Variants in ZSWIM6 observed in about 807,000 individuals in gnomAD.
The protein encoded by ZSWIM6 is zinc finger SWIM domain-containing protein 6.
A neutral mutation model predicts 113.2 loss-of-function variants in ZSWIM6; 9 were observed. The ratio of observed to expected loss-of-function variants is 0.08; its 90% CI spans 0.05 to 0.14. ZSWIM6 has a LOEUF of 0.14. Ranked by LOEUF, ZSWIM6 falls within the 10% of genes least tolerant of loss-of-function variation. The pLI is 1.00. For missense variants in ZSWIM6, 1,162 were observed against 1,552.2 expected (o/e 0.75, Z 4.22); for synonymous variants, 611 against 606.5 (o/e 1.01, Z -0.11).
rs573690851 is a variant in ZSWIM6 at position 61,522,997 on chromosome 5, A to C, written c.1513+1555A>C. Among the ~76,000 whole-genome samples, 108 of 152,268 alleles carry C rather than the reference A, an allele frequency of 7.1e-4. 2 individuals are homozygous for C. In the Middle Eastern group the frequency reaches 0.01, roughly 14 times the overall value. Reference sequence around the variant, plus strand: ...AATGGTCCAGCCTCCAGACTTAAAGAGTTCATTTCGCTTATGGTTTGGCCT... The same window carrying C: ...AATGGTCCAGCCTCCAGACTTAAAGCGTTCATTTCGCTTATGGTTTGGCCT... On this transcript the variant is annotated intron_variant, in intron 5 of 13. Transcript: ENST00000252744.
intron 1 of ZSWIM6, among the ~76,000 whole-genome samples, chr5:61,333,522 C>T (rs922457651): frequency 7.2e-5 from 11 of 152,070 alleles, no homozygotes; most frequent in African/African-American, 2.4e-4. Flanking sequence ...CCCAGGGCTC[C>T]GACGGGCGAG....
intron 2 of ZSWIM6, among the ~76,000 whole-genome samples, chr5:61,475,455 A>G (rs1427666357): frequency 1.3e-5 from 2 of 152,364 alleles, no homozygotes; most frequent in African/African-American, 4.8e-5. Flanking sequence ...GTTCTTTCAT[A>G]GTTTCTAAAA....
chr5:61,349,804 TTAAG>T (rs1744743401), intron 1 of ZSWIM6, among the ~76,000 whole-genome samples: 1 of 152,210 alleles, frequency 6.6e-6, no homozygotes, highest in East Asian at 1.9e-4. Flanking sequence ...CTTTGTGGGA[TTAAG>T]TGATTGCTTT....
At chr5:61,366,092 A>G (rs1445902732) in intron 1 of ZSWIM6, among the ~76,000 whole-genome samples, 1 of 152,018 alleles carries the variant, frequency 6.6e-6, no homozygotes, top group African/African-American at 2.4e-5. Context: ...AGTGGGTTTC[A>G]CCATGTTGCC....
At position 61,539,765 on chromosome 5, in the gene ZSWIM6, T is replaced by C; in HGVS notation, c.2703+6T>C. 2.6e-6 allele frequency: 4 copies of C among 1,548,840 alleles called. No individual in the cohort carries two copies. The highest frequency in any genetic ancestry group is 3.5e-6 in the Non-Finnish European group (4 of 1,145,392). On this transcript the variant is annotated splice_donor_region_variant and intron_variant, in intron 12 of 13. Transcript: ENST00000252744. ...CTCTGGAGCTGGGCCTGCAGGTACA[T>C]GACTGGTAGTCTTTCCTGGGACATC...
At chr5:61,391,218 G>A (rs533753766) in intron 1 of ZSWIM6, 612 of 892,948 alleles carry the variant, frequency 6.9e-4, no homozygotes, top group Admixed American at 1.5e-3. Flanking sequence ...ACCTGATGAC[G>A]TCGATCATCT....
intron 1 of ZSWIM6, among the ~76,000 whole-genome samples, chr5:61,377,939 A>G (rs1463850214): frequency 3.3e-5 from 5 of 152,218 alleles, no homozygotes; most frequent in African/African-American, 1.2e-4. Context: ...TATAAGAGAA[A>G]TGAAAATTAA....
chr5:61,457,806 A>C (rs1312787142), intron 1 of ZSWIM6, among the ~76,000 whole-genome samples: 1 of 152,142 alleles, frequency 6.6e-6, no homozygotes, highest in Non-Finnish European at 1.5e-5. Context: ...TACAGGTGTG[A>C]GCCGCTGCAC....
At chr5:61,435,317 C>T (rs765333670) in intron 1 of ZSWIM6, among the ~76,000 whole-genome samples, 23 of 152,172 alleles carry the variant, frequency 1.5e-4, no homozygotes, top group Non-Finnish European at 2.5e-4. Context: ...TTGACCACAG[C>T]TGCTAAAGAA....
chr5:61,496,333 A>G (rs1016909675), intron 4 of ZSWIM6, among the ~76,000 whole-genome samples: 17 of 152,112 alleles, frequency 1.1e-4, no homozygotes, highest in African/African-American at 3.9e-4. Flanking sequence ...TGCCATTTTA[A>G]TGGGGTCTAA....
intron 1 of ZSWIM6, among the ~76,000 whole-genome samples, chr5:61,400,640 T>C (rs576837457): frequency 6.6e-6 from 1 of 152,358 alleles, no homozygotes; most frequent in East Asian, 1.9e-4. Flanking sequence ...TTGGCAGTGC[T>C]TTATATTTTT....
chr5:61,471,743 A>T (rs1747577079), intron 1 of ZSWIM6, among the ~76,000 whole-genome samples: 1 of 152,200 alleles, frequency 6.6e-6, no homozygotes, highest in South Asian at 2.1e-4. Context: ...ACAGTAGAAC[A>T]GTTTCATCCT....
intron 4 of ZSWIM6, among the ~76,000 whole-genome samples, chr5:61,519,719 A>G (rs1465857744): frequency 1.3e-5 from 2 of 152,102 alleles, no homozygotes; most frequent in African/African-American, 4.8e-5. Context: ...TGTTGATAAA[A>G]GCTATTTGAT....
intron 1 of ZSWIM6, among the ~76,000 whole-genome samples, chr5:61,418,570 T>A (rs1220947011): frequency 1.3e-5 from 2 of 151,904 alleles, no homozygotes; most frequent in Non-Finnish European, 2.9e-5. Context: ...ACTCTATGAT[T>A]TTTATTTAAA....
intron 1 of ZSWIM6, chr5:61,391,856 A>C (rs1032567142): frequency 1.5e-4 from 106 of 696,208 alleles, no homozygotes; most frequent in Non-Finnish European, 2.4e-4. Context: ...GGAGCGGAGA[A>C]CCTTCTGTGA....
At chr5:61,353,520 C>G (rs901894463) in intron 1 of ZSWIM6, among the ~76,000 whole-genome samples, 2 of 152,182 alleles carry the variant, frequency 1.3e-5, no homozygotes, top group Non-Finnish European at 2.9e-5. Flanking sequence ...ATGTGTCATT[C>G]ACAGTCCTCC....
chr5:61,533,669 G>A (rs1197453514), intron 9 of ZSWIM6, among the ~76,000 whole-genome samples: 1 of 152,174 alleles, frequency 6.6e-6, no homozygotes, highest in African/African-American at 2.4e-5. Flanking sequence ...AGGTAATTTG[G>A]TGGTTTAAGG....
intron 1 of ZSWIM6, among the ~76,000 whole-genome samples, chr5:61,426,735 C>G (rs1746469470): frequency 6.6e-6 from 1 of 151,986 alleles, no homozygotes; most frequent in South Asian, 2.1e-4. Flanking sequence ...TTACAACTGA[C>G]ATTTTAAAGA....
chr5:61,506,516 A>G (rs905133168), intron 4 of ZSWIM6, among the ~76,000 whole-genome samples: 3 of 152,112 alleles, frequency 2.0e-5, no homozygotes, highest in Non-Finnish European at 4.4e-5. Context: ...AGAGGTTGCA[A>G]TGAGCCAAGA....
Sources: gnomAD v4.1 joint callset for allele counts (sites outside exome capture counted in the v4.1 genomes callset) on GRCh38, gnomAD v4.1.1 for gene constraint, MANE v1.5 for transcripts, NCBI Gene and HGNC (gene_info 2026-07-23, HGNC 2026-07-21) for gene names.